Variants in LPCAT1 observed in about 807,000 individuals in gnomAD.
LPCAT1 encodes the protein 1-acylglycerol-3-phosphate O-acyltransferase.
A neutral mutation model predicts 60.9 loss-of-function variants in LPCAT1; 23 were observed. The ratio of observed to expected loss-of-function variants is 0.38; its 90% CI spans 0.27 to 0.53. LPCAT1 has a LOEUF of 0.53. Ranked by LOEUF, LPCAT1 falls within the 20% of genes least tolerant of loss-of-function variation. The pLI is 0.82. For missense variants in LPCAT1, 622 were observed against 723.6 expected (o/e 0.86, Z 1.61); for synonymous variants, 340 against 301.1 (o/e 1.13, Z -1.34).
intron 10 of LPCAT1, 71 bp from the exon 11 acceptor site, chr5:1,474,181 A>G (rs752547324): frequency 1.4e-6 from 2 of 1,457,700 alleles, no homozygotes; most frequent in African/African-American, 1.4e-5. Context: ...ATTTACTTCT[A>G]AGACTCATCA....
Position 1,502,529 on chromosome 5 carries a change from C to T in LPCAT1, c.136-926G>A, listed in dbSNP as rs1736055197. Among the ~76,000 whole-genome samples the T allele has an allele frequency of 6.6e-6, 1 of 152,114 alleles. No homozygotes were observed. The highest frequency in any genetic ancestry group is 1.5e-5 in the Non-Finnish European group (1 of 68,024). ...GGTCAATATGGGGGCTCAGGAAGGC[C>T]CCCCAAGCCAGGGCAGGCCCCCACG... On this transcript the variant is annotated intron_variant, in intron 1 of 13. Coordinates refer to ENST00000283415, the MANE Select transcript of LPCAT1 (RefSeq NM_024830.5). This position sits in a 1 kb window ranked among gnomAD's most constrained non-coding sequence, Gnocchi z 5.5.
rs769975911 is a variant in LPCAT1, at chr5:1,461,725, G to A, written c.*1926C>T. 2.6e-5 allele frequency: 4 copies of A among 152,706 alleles called. No individual in the cohort carries two copies. The highest frequency in any genetic ancestry group is 7.2e-5 in the African/African-American group (3 of 41,458). 9.5% of individuals were successfully genotyped at this position (152,706 alleles called of 1,614,324 possible). A position where few individuals can be genotyped will look rare whatever the true frequency, so the allele number is the denominator to read the frequency against. ...ATCCATTCAAAGTCTGTTTATCAGA[G>A]ATTTTTTTTTCTGAAAATGCACAGT... is the stretch of plus-strand genomic sequence containing the variant. On this transcript the variant is annotated 3_prime_UTR_variant, in exon 14 of 14. Transcript: ENST00000283415.
At chr5:1,494,974 G>A (rs1735730976) in intron 2 of LPCAT1, 60 bp from the exon 3 acceptor site, 5 of 1,465,436 alleles carry the variant, frequency 3.4e-6, no homozygotes, top group South Asian at 1.2e-5. Context: ...GTCTGTGTGA[G>A]GCACAGGGGC....
In LPCAT1 at chr5:1,463,717, G is replaced by A; in HGVS notation, c.1539C>T (p.Phe513=). 1 of 1,614,280 alleles carries A rather than the reference G, an allele frequency of 6.2e-7. No homozygotes were observed. Among genetic ancestry groups the A allele is most frequent in the Non-Finnish European group, 8.5e-7 (1 of 1,180,048 alleles). Residue 513 remains phenylalanine, a synonymous_variant, in exon 14 of 14, where the codon TTC becomes TTT. Coordinates refer to ENST00000283415, the MANE Select transcript of LPCAT1 (RefSeq NM_024830.5). ...ETSPAPIPNG[F]CADFSPENSD... Reference sequence around the variant, plus strand: ...AGTTTTCCGGGCTGAAATCGGCACAGAAGCCGTTTGGGATTGGCGCAGGTG... The same window carrying A: ...AGTTTTCCGGGCTGAAATCGGCACAAAAGCCGTTTGGGATTGGCGCAGGTG...
chr5:1,520,005 C>T (rs936456968), intron 1 of LPCAT1, among the ~76,000 whole-genome samples: 2 of 152,218 alleles, frequency 1.3e-5, no homozygotes, highest in African/African-American at 4.8e-5. Context: ...TGGGGCTGAG[C>T]GAAGAGCCAG....
At position 1,474,034 on chromosome 5, in the gene LPCAT1, C is replaced by G. The variant is rs1470285595; in HGVS notation, c.1102G>C (p.Gly368Arg). 3.1e-6 allele frequency: 5 copies of G among 1,614,072 alleles called. No individual in the cohort carries two copies. The highest frequency in any genetic ancestry group is 4.2e-6 in the Non-Finnish European group (5 of 1,180,046). The change falls in exon 11 of 14, where the codon GGT becomes CGT. Residue 368 changes from glycine to arginine, a missense_variant. This residue lies in a region of LPCAT1 where 288 missense variants were observed against 283.6 expected (regional missense o/e 1.02). Coordinates refer to ENST00000283415, the MANE Select transcript of LPCAT1 (RefSeq NM_024830.5). ...AGGGAGGCGGCAAACTCCGCAATACCTATCTTCTCTCCTCCCTTCATCCTG... is the reference window on the plus strand; with the variant it reads ...AGGGAGGCGGCAAACTCCGCAATACGTATCTTCTCTCCTCCCTTCATCCTG... ...RARMKGGEKI[G>R]IAEFAASLEV... is the part of the protein sequence containing the mutation.
intron 1 of LPCAT1, among the ~76,000 whole-genome samples, chr5:1,512,908 C>T (rs574024615): frequency 1.3e-5 from 2 of 152,360 alleles, no homozygotes; most frequent in Admixed American, 6.5e-5. Context: ...CGACGGAAAC[C>T]GCAGCACCAC....
chr5:1,521,701 CA>C lies in LPCAT1; in HGVS notation c.135+2008del, dbSNP rs1381419831. Among the ~76,000 whole-genome samples, 3 of 152,212 alleles carry C rather than the reference CA, an allele frequency of 2.0e-5. No individual in the cohort carries two copies. The highest frequency in any genetic ancestry group is 6.5e-5 in the Admixed American group (1 of 15,288). ...AGCAAGCCCCCTCTCTGAGAGGCCC[CA>C]ACACCTCAAGCCAGGATCTCTGCCT... On this transcript the variant is annotated intron_variant, in intron 1 of 13. Transcript: ENST00000283415. This position sits in a 1 kb window ranked among gnomAD's most constrained non-coding sequence, Gnocchi z 4.3.
At chr5:1,463,957 C>A in intron 13 of LPCAT1, 122 bp from the exon 14 acceptor site, 1 of 987,876 alleles carries the variant, frequency 1.0e-6, no homozygotes, top group Non-Finnish European at 1.5e-6. Flanking sequence ...GGGTTAGAAT[C>A]GTCTGTGAAA....
chr5:1,518,139 C>A (rs1447098439), intron 1 of LPCAT1, among the ~76,000 whole-genome samples: 2 of 152,214 alleles, frequency 1.3e-5, no homozygotes, highest in Admixed American at 6.5e-5. Context: ...GACCCTGGGT[C>A]CCACAGGGTG....
chr5:1,483,236 G>GC lies in LPCAT1; in HGVS notation c.726+191dup, dbSNP rs1735230020. 3.3e-5 allele frequency among the ~76,000 whole-genome samples: 5 copies of GC among 152,286 alleles called. 1 individual carries two copies. In the South Asian group the frequency reaches 1.0e-3, roughly 32 times the overall value. ...TAGAACAGGCCGCACTCAGGAACGT[G>GC]CCGAGCCCAGGGCCCGGGCCTGTCC... is the stretch of plus-strand genomic sequence containing the variant. On this transcript the variant is annotated intron_variant, in intron 6 of 13. Transcript: ENST00000283415. The surrounding 1 kb of genome is among the most constrained non-coding windows in gnomAD (Gnocchi z 9.2).
At chr5:1,497,617 G>A (rs1735843251) in intron 2 of LPCAT1, among the ~76,000 whole-genome samples, 1 of 152,240 alleles carries the variant, frequency 6.6e-6, no homozygotes, top group South Asian at 2.1e-4. Context: ...GCCCCTGGGT[G>A]GCTGGTGGGA....
intron 1 of LPCAT1, among the ~76,000 whole-genome samples, chr5:1,503,773 G>C (rs1017999875): frequency 1.3e-5 from 2 of 150,370 alleles, no homozygotes; most frequent in African/African-American, 5.0e-5. Flanking sequence ...TTGTCAATGG[G>C]GAAGTCTCTT....
At chr5:1,475,560 CA>C (rs1734868199) in intron 9 of LPCAT1, among the ~76,000 whole-genome samples, 1 of 152,248 alleles carries the variant, frequency 6.6e-6, no homozygotes, top group Admixed American at 6.5e-5. Flanking sequence ...AGATGAAAAC[CA>C]AGGTCGAGGA....
rs36081788 is a variant in LPCAT1 at position 1,464,643 on chromosome 5, G to GCACA, written c.1421-812_1421-809dup. ...ACACACACGGTAACCACACATGCGT[G>GCACA]CACACACACACACACAAAAGCACGC... On this transcript the variant is annotated intron_variant, in intron 13 of 13. Transcript: ENST00000283415. Among the ~76,000 whole-genome samples the GCACA allele has an allele frequency of 6.2e-3, 916 of 147,044 alleles. 8 individuals carry two copies. Among genetic ancestry groups the GCACA allele is most frequent in the African/African-American group, 0.022 (858 of 39,430 alleles).
chr5:1,472,574 TA>T (rs1002020501), intron 11 of LPCAT1, among the ~76,000 whole-genome samples: 35 of 151,758 alleles, frequency 2.3e-4, no homozygotes, highest in African/African-American at 7.5e-4. Context: ...TTGCAGAAAA[TA>T]AAAAATTAAC....
Position 1,495,017 on chromosome 5 carries a change from C to T in LPCAT1, c.279-103G>A. The T allele has an allele frequency of 9.0e-7, 1 of 1,108,318 alleles. No individual in the cohort carries two copies. The highest frequency in any genetic ancestry group is 1.5e-5 in the South Asian group (1 of 65,226). 68.7% of individuals were successfully genotyped at this position (1,108,318 alleles called of 1,614,324 possible). A position where few individuals can be genotyped will look rare whatever the true frequency, so the allele number is the denominator to read the frequency against. On this transcript the variant is annotated intron_variant, in intron 2 of 13. Transcript: ENST00000283415. This position sits in a 1 kb window ranked among gnomAD's most constrained non-coding sequence, Gnocchi z 4.7. ...CGGGAGAGCCCTCCAGGGCGCAGTC[C>T]AGGCCACGGGCTTCCTGTGGTCGCC...
chr5:1,466,987 GA>G (rs1453633378), intron 12 of LPCAT1, 97 bp from the exon 13 acceptor site: 1 of 1,290,186 alleles, frequency 7.8e-7, no homozygotes. Context: ...CGCTTTGTCA[GA>G]GCTGCTGGGC....
chr5:1,500,884 G>A (rs908737452), intron 2 of LPCAT1, among the ~76,000 whole-genome samples: 8 of 152,234 alleles, frequency 5.3e-5, no homozygotes, highest in Non-Finnish European at 8.8e-5. Context: ...CCGGGCCCAC[G>A]GCACCCGCAC....
Sources: allele counts gnomAD v4.1 joint callset (sites outside exome capture counted in the v4.1 genomes callset), GRCh38; gene constraint gnomAD v4.1.1; regional missense constraint gnomAD v4.1.1; non-coding constraint Gnocchi (gnomAD v3.1); transcripts MANE v1.5; gene names NCBI Gene and HGNC (gene_info 2026-07-23, HGNC 2026-07-21).